Variants in CLK2 observed in about 807,000 individuals in gnomAD.
The protein encoded by CLK2 is CDC like kinase 2.
CLK2 carries 12 observed loss-of-function variants against 73.5 expected under a neutral mutation model. The ratio of observed to expected loss-of-function variants is 0.16; its 90% CI spans 0.10 to 0.26. The LOEUF is 0.26. CLK2 is among the 10% of genes least tolerant of loss of function. CLK2 has a pLI of 1.00. For missense variants in CLK2, 509 were observed against 688.4 expected (o/e 0.74, Z 2.92); for synonymous variants, 232 against 237.9 (o/e 0.98, Z 0.23).
chr1:155,265,566 C>CAAATAAATAAATAAAT (rs374400975), intron 8 of CLK2, among the ~76,000 whole-genome samples: 4,460 of 106,400 alleles, frequency 0.042, 119 homozygotes, highest in African/African-American at 0.082. Context: ...GACTCTGTCT[C>CAAATAAATAAATAAAT]AAATAAATAA....
At chr1:155,263,741 G>A in intron 12 of CLK2, 1 of 985,030 alleles carries the variant, frequency 1.0e-6, no homozygotes. Context: ...TTGATCTCTG[G>A]TTGTCTCAAG....
chr1:155,265,592 A>AATAAATAAATAAATAAATAAATATATAT (rs3065804), intron 8 of CLK2, among the ~76,000 whole-genome samples: 4 of 149,908 alleles, frequency 2.7e-5, no homozygotes, highest in South Asian at 4.2e-4. Context: ...TAAATAAATA[A>AATAAATAAATAAATAAATAAATATATAT]ATAAATAAAT....
At chr1:155,263,917 C>T (rs370713416) in intron 12 of CLK2, 33 bp downstream of exon 12, 38 of 1,593,124 alleles carry the variant, frequency 2.4e-5, no homozygotes, top group Admixed American at 6.7e-5. Context: ...GACTTCTGGA[C>T]GGTGGGCACT....
chr1:155,271,098 G>T, intron 1 of CLK2, 121 bp from the exon 2 acceptor site: 2 of 983,746 alleles, frequency 2.0e-6, no homozygotes, highest in Non-Finnish European at 3.1e-6. Flanking sequence ...CTTTTTACCA[G>T]GCACAACTTC....
Position 155,263,985 on chromosome 1 carries a change from C to A in CLK2, c.1282G>T (p.Gly428Trp). The change falls in exon 12 of 13, where the codon GGG becomes TGG. Residue 428 changes from glycine (G) to tryptophan (W), a missense_variant. Physicochemically the swap from Gly to Trp is radical, Grantham distance 184. Around this residue, in one of 6 missense-constraint regions of CLK2, gnomAD observed 134 missense variants for 146.0 expected, o/e 0.92. Transcript: ENST00000368361. The stretch of plus-strand genomic sequence containing the variant: ...TTGCAGTTCTCACGAACATAGCGCC[C>A]AGCTGATGTGTTCTCATCCCAATCC... Reference protein sequence around the residue: ...RLDWDENTSAGRYVRENCKPL... With the variant: ...RLDWDENTSAWRYVRENCKPL... 2 of 1,614,194 alleles carry A rather than the reference C, an allele frequency of 1.2e-6. No individual in the cohort carries two copies. Among genetic ancestry groups the A allele is most frequent in the East Asian group, 2.2e-5 (1 of 44,884 alleles).
intron 7 of CLK2, 62 bp from the exon 8 acceptor site, chr1:155,266,016 G>A (rs1028751698): frequency 6.9e-6 from 8 of 1,155,380 alleles, no homozygotes; most frequent in Admixed American, 6.7e-5. Context: ...GGTATCAGCT[G>A]ACCCCAGGCC....
intron 7 of CLK2, 58 bp downstream of exon 7, chr1:155,266,671 G>A (rs2148136344): frequency 1.9e-6 from 3 of 1,568,800 alleles, no homozygotes; most frequent in Middle Eastern, 2.3e-4. Flanking sequence ...ACAACCGACA[G>A]AGAGATCCAA....
Position 155,264,029 on chromosome 1 carries a change from T to C in CLK2, c.1238A>G (p.Tyr413Cys), listed in dbSNP as rs1673113077. The change falls in exon 12 of 13, where the codon TAT (tyrosine) becomes TGT (cysteine). Residue 413 changes from tyrosine to cysteine, a missense_variant. Physicochemically the swap from Tyr to Cys is radical, Grantham distance 194. This residue lies in a region of CLK2 where 134 missense variants were observed against 146.0 expected (regional missense o/e 0.92). Coordinates refer to ENST00000368361, the MANE Select transcript of CLK2 (RefSeq NM_001294338.2). ...RMIRKTRKQK[Y>C]FYRGRLDWDE... Reference sequence around the variant, plus strand: ...CCAATCCAGGCGACCCCGGTAAAAATATTTCTGCTTTCTAGAGGGGAAGGG... The same window carrying C: ...CCAATCCAGGCGACCCCGGTAAAAACATTTCTGCTTTCTAGAGGGGAAGGG... The C allele has an allele frequency of 1.2e-6, 2 of 1,613,850 alleles. No individual in the cohort carries two copies.
At position 155,263,998 on chromosome 1, in the gene CLK2, C is replaced by T; in HGVS notation, c.1269G>A (p.Glu423=). Residue 423 remains glutamate (E), a synonymous_variant, in exon 12 of 13, where the codon GAG becomes GAA. Transcript: ENST00000368361. ...YFYRGRLDWD[E]NTSAGRYVRE... ...GAACATAGCGCCCAGCTGATGTGTT[C>T]TCATCCCAATCCAGGCGACCCCGGT... The T allele has an allele frequency of 6.2e-7, 1 of 1,614,102 alleles. No homozygotes were observed. The highest frequency in any genetic ancestry group is 1.3e-5 in the African/African-American group (1 of 74,994).
At chr1:155,267,285 G>C (rs1339021220) in intron 6 of CLK2, among the ~76,000 whole-genome samples, 1 of 151,988 alleles carries the variant, frequency 6.6e-6, no homozygotes, top group Non-Finnish European at 1.5e-5. Context: ...TACAGACGGG[G>C]TTTCACCATA....
intron 9 of CLK2, 34 bp downstream of exon 9, chr1:155,264,611 T>C (rs1212923155): frequency 6.2e-7 from 1 of 1,614,098 alleles, no homozygotes; most frequent in African/African-American, 1.3e-5. Flanking sequence ...CCTCACATCA[T>C]CTCACACACT....
intron 6 of CLK2, 32 bp from the exon 7 acceptor site, chr1:155,266,927 C>T: frequency 7.5e-6 from 12 of 1,609,460 alleles, no homozygotes; most frequent in Non-Finnish European, 9.3e-6. Flanking sequence ...GGGGGGTTGT[C>T]TGATGAGCTC....
Position 155,266,909 on chromosome 1 carries a change from T to G in CLK2, c.672-14A>C, listed in dbSNP as rs756965175. 3.7e-6 allele frequency: 6 copies of G among 1,611,988 alleles called. No homozygotes were observed. In the African/African-American group the frequency reaches 8.0e-5, roughly 22 times the overall value. ...TGGACACAGAGGCTGAGAAGAGAGA[T>G]GGGGGAAGGGGGGTTGTCTGATGAG... On this transcript the variant is annotated splice_polypyrimidine_tract_variant and intron_variant, in intron 6 of 12. Coordinates refer to ENST00000368361, the MANE Select transcript of CLK2 (RefSeq NM_001294338.2).
chr1:155,265,831 T>C, intron 8 of CLK2, 29 bp downstream of exon 8: 3 of 1,469,990 alleles, frequency 2.0e-6, no homozygotes, highest in Non-Finnish European at 2.9e-6. Flanking sequence ...CTGCCCCCAG[T>C]AACCAAGGGC....
At chr1:155,264,853 C>G in intron 8 of CLK2, 79 bp from the exon 9 acceptor site, 1 of 1,555,916 alleles carries the variant, frequency 6.4e-7, no homozygotes, top group Non-Finnish European at 8.8e-7. Context: ...TGCTTCTGAG[C>G]CTTAAAAAAG....
rs781055739 is a variant in CLK2, at chr1:155,269,681, T to C, written c.206A>G (p.Tyr69Cys). ...YDDRSSDRRV[Y>C]DRRYCGSYRR... ...GTAGCTGCCACAGTATCGCCGGTCA[T>C]ACACCCTCCGGTCGGACGAACGATC... The change falls in exon 3 of 13, where the codon TAT becomes TGT. Residue 69 changes from tyrosine to cysteine, a missense_variant. Tyr to Cys is a radical substitution (Grantham distance 194). This residue lies in a region of CLK2 where 222 missense variants were observed against 221.7 expected (regional missense o/e 1.00). Transcript: ENST00000368361. 1.2e-5 allele frequency: 19 copies of C among 1,614,112 alleles called. No homozygotes were observed. The highest frequency in any genetic ancestry group is 2.7e-5 in the African/African-American group (2 of 74,924).
chr1:155,270,792 C>T lies in CLK2; in HGVS notation c.170+16G>A. The T allele has an allele frequency of 6.3e-7, 1 of 1,598,450 alleles. No homozygotes were observed. Among genetic ancestry groups the T allele is most frequent in the Non-Finnish European group, 8.6e-7 (1 of 1,167,036 alleles). ...CGAGTGACCCTGTGTTTGAGTATCT[C>T]TTCCTGAGGCCTCACCTTCGAGAAC... is the stretch of plus-strand genomic sequence containing the variant. On this transcript the variant is annotated intron_variant, in intron 2 of 12. Coordinates refer to ENST00000368361, the MANE Select transcript of CLK2 (RefSeq NM_001294338.2).
At chr1:155,270,411 A>T (rs1673440586) in intron 2 of CLK2, among the ~76,000 whole-genome samples, 1 of 152,192 alleles carries the variant, frequency 6.6e-6, no homozygotes, top group African/African-American at 2.4e-5. Flanking sequence ...TTAAAAAATT[A>T]AAAACACAAA....
chr1:155,264,896 C>T, intron 8 of CLK2, 122 bp from the exon 9 acceptor site: 1 of 1,216,778 alleles, frequency 8.2e-7, no homozygotes, highest in South Asian at 1.4e-5. Context: ...CTTACAAGCC[C>T]TGGGAAATTC....
Sources: allele counts gnomAD v4.1 joint callset (sites outside exome capture counted in the v4.1 genomes callset), GRCh38; gene constraint gnomAD v4.1.1; regional missense constraint gnomAD v4.1.1; transcripts MANE v1.5; gene names NCBI Gene and HGNC (gene_info 2026-07-23, HGNC 2026-07-21).